The following SMIM14 variants were observed in gnomAD, a reference collection of about 807,000 sequenced individuals.
SMIM14 encodes chromosome 4 open reading frame 34.
Under a neutral mutation model 12.6 loss-of-function variants are expected in SMIM14, and 5 were observed. The observed-to-expected ratio is 0.40, with a 90% CI of 0.21 to 0.83. The LOEUF is 0.83. Among genes scored for constraint, SMIM14 ranks in the 40% least tolerant of loss-of-function variants. The pLI, the probability that SMIM14 is intolerant of heterozygous loss-of-function variation, is 0.37. For synonymous variants in SMIM14, 30 were observed against 40.1 expected, an observed-to-expected ratio of 0.75 and a Z score of 0.95; for missense variants, 86 against 119.1, an observed-to-expected ratio of 0.72 and a Z score of 1.29.
chr4:39,625,201 G>A (rs1715649242), intron 1 of SMIM14, among the ~76,000 whole-genome samples: 1 of 148,694 alleles, frequency 6.7e-6, no homozygotes, highest in African/African-American at 2.5e-5. Flanking sequence ...CTGGGCAACA[G>A]GGTGAGACAT....
At chr4:39,562,826 T>TTTTTTTTTTTTTTTTTTTTTTTTG (rs1468841089) in intron 3 of SMIM14, among the ~76,000 whole-genome samples, 7 of 150,858 alleles carry the variant, frequency 4.6e-5, no homozygotes, top group African/African-American at 1.5e-4. Context: ...GTATTTTTAG[T>TTTTTTTTTTTTTTTTTTTTTTTTG]AGAGACGGTG....
intron 2 of SMIM14, among the ~76,000 whole-genome samples, chr4:39,601,058 T>C (rs1714592393): frequency 6.6e-6 from 1 of 152,162 alleles, no homozygotes; most frequent in Non-Finnish European, 1.5e-5. Context: ...ATCATACTCT[T>C]AGGCATTATT....
chr4:39,617,814 G>A (rs1447006301), intron 1 of SMIM14, among the ~76,000 whole-genome samples: 1 of 152,112 alleles, frequency 6.6e-6, no homozygotes, highest in East Asian at 1.9e-4. Flanking sequence ...ATCTAAAACA[G>A]TGTATCTACC....
chr4:39,574,605 C>T (rs887296795), intron 2 of SMIM14, among the ~76,000 whole-genome samples: 3 of 152,118 alleles, frequency 2.0e-5, no homozygotes, highest in Admixed American at 1.3e-4. Context: ...GCTTCAGTTT[C>T]CTCGTCTGGT....
intron 1 of SMIM14, chr4:39,638,397 C>A (rs1260245840): frequency 2.3e-6 from 2 of 887,994 alleles, no homozygotes; most frequent in Non-Finnish European, 2.7e-6. Context: ...CTTCCAGCTA[C>A]GACTCTCTTT....
At chr4:39,604,966 T>C (rs1370773152) in intron 2 of SMIM14, 105 bp downstream of exon 2, 1 of 730,998 alleles carries the variant, frequency 1.4e-6, no homozygotes, top group African/African-American at 1.8e-5. Flanking sequence ...GAAATACTCT[T>C]TAGTGACCAT....
intron 2 of SMIM14, among the ~76,000 whole-genome samples, chr4:39,577,848 G>A (rs961073701): frequency 2.0e-5 from 3 of 152,152 alleles, no homozygotes; most frequent in African/African-American, 7.2e-5. Context: ...ACCAAGCTAC[G>A]GTAAGTCTTT....
intron 2 of SMIM14, among the ~76,000 whole-genome samples, chr4:39,579,712 T>G (rs1245571176): frequency 6.6e-6 from 1 of 151,650 alleles, no homozygotes; most frequent in Non-Finnish European, 1.5e-5. Context: ...AGTGTGGTGG[T>G]GCGCACCAGT....
chr4:39,567,143 GAAAAAA>G (rs1168446466), intron 3 of SMIM14, among the ~76,000 whole-genome samples: 23 of 72,090 alleles, frequency 3.2e-4, no homozygotes, highest in Middle Eastern at 0.017. Context: ...CTCAAAAAAA[GAAAAAA>G]AAAAAAAAAA....
chr4:39,559,109 G>A (rs959427912), intron 3 of SMIM14, among the ~76,000 whole-genome samples: 5 of 152,124 alleles, frequency 3.3e-5, no homozygotes, highest in African/African-American at 9.7e-5. Context: ...TTACATTTTC[G>A]CTCCAACTTC....
chr4:39,564,016 C>T, intron 3 of SMIM14, among the ~76,000 whole-genome samples: 1 of 152,096 alleles, frequency 6.6e-6, no homozygotes, highest in South Asian at 2.1e-4. Flanking sequence ...CAACCTCCGC[C>T]TCCCAGTTTC....
At chr4:39,621,041 A>G (rs1715466463) in intron 1 of SMIM14, 1 of 152,182 alleles carries the variant, frequency 6.6e-6, no homozygotes. Flanking sequence ...GAATTTGTCT[A>G]GCAGGCTTTC....
chr4:39,576,678 ATATATATTTTTTTTTTTTTTTTTTTTTT>A (rs1713203415), intron 2 of SMIM14, among the ~76,000 whole-genome samples: 2 of 29,926 alleles, frequency 6.7e-5, no homozygotes, highest in African/African-American at 1.3e-4. Context: ...ATATATATAT[ATATATATTTTTTTTTTTTTTTTTTTTTT>A]TTTTTTTTTT....
intron 1 of SMIM14, among the ~76,000 whole-genome samples, chr4:39,635,000 A>G (rs1173279289): frequency 2.0e-5 from 3 of 152,190 alleles, no homozygotes; most frequent in African/African-American, 7.2e-5. Context: ...GAGACGGAAC[A>G]TTTTTTTAAA....
chr4:39,574,861 CG>C (rs1713084079), intron 2 of SMIM14, among the ~76,000 whole-genome samples: 1 of 151,872 alleles, frequency 6.6e-6, no homozygotes, highest in Non-Finnish European at 1.5e-5. Flanking sequence ...GAGCCAGGCC[CG>C]GTGGCTCATG....
intron 1 of SMIM14, among the ~76,000 whole-genome samples, chr4:39,628,229 C>G (rs997554015): frequency 1.3e-5 from 2 of 151,630 alleles, no homozygotes; most frequent in African/African-American, 4.9e-5. Context: ...ACTGCTTGAA[C>G]CTGGGAGGCA....
At chr4:39,579,410 C>CAAAAAAAAA (rs11300565) in intron 2 of SMIM14, among the ~76,000 whole-genome samples, 2 of 102,202 alleles carry the variant, frequency 2.0e-5, no homozygotes, top group Non-Finnish European at 4.1e-5. Flanking sequence ...ACAGTGCCTC[C>CAAAAAAAAA]AAAAAAAAAA....
At chr4:39,587,899 T>C (rs1389242649) in intron 2 of SMIM14, 1 of 152,268 alleles carries the variant, frequency 6.6e-6, no homozygotes, top group African/African-American at 2.4e-5. Flanking sequence ...CACTAAGTTC[T>C]CTCCCTCTCC....
chr4:39,560,250 CTTT>C (rs773257583), intron 3 of SMIM14, among the ~76,000 whole-genome samples: 2 of 140,760 alleles, frequency 1.4e-5, no homozygotes, highest in Admixed American at 7.3e-5. Flanking sequence ...CTTTTCTTTT[CTTT>C]TTTTTTTTTT....
Sources: allele counts gnomAD v4.1 joint callset (sites outside exome capture counted in the v4.1 genomes callset), GRCh38; gene constraint gnomAD v4.1.1; transcripts MANE v1.5; gene names NCBI Gene and HGNC (gene_info 2026-07-23, HGNC 2026-07-21).